Variants in ANK1 observed in about 807,000 individuals in gnomAD.
The protein encoded by ANK1 is ankyrin 1, also known as ankyrin-1.
ANK1 carries 51 observed loss-of-function variants against 210.4 expected under a neutral mutation model. The observed-to-expected ratio is 0.24, with a 90% CI of 0.19 to 0.31. The LOEUF is 0.31. ANK1 is among the 10% of genes least tolerant of loss of function. The probability of loss-of-function intolerance (pLI) is 1.00; values close to 1 mark genes in which losing one functional copy is unlikely to be tolerated. For missense variants in ANK1, 2,051 were observed against 2,504.4 expected (o/e 0.82, Z 3.86); for synonymous variants, 967 against 1,025.9 (o/e 0.94, Z 1.10).
intron 2 of ANK1, among the ~76,000 whole-genome samples, chr8:41,739,154 T>C (rs998835830): frequency 4.5e-4 from 69 of 152,224 alleles, no homozygotes; most frequent in African/African-American, 1.6e-3. Context: ...GTTTGTTTTT[T>C]CCCCCTCTTT....
rs144239281 is a variant in ANK1, at chr8:41,666,149, C to T, written c.5394+2118G>A. 5.9e-4 allele frequency among the ~76,000 whole-genome samples: 90 copies of T among 152,312 alleles called. 1 individual carries two copies. The East Asian group carries it at 0.016, about 27-fold the overall frequency. On this transcript the variant is annotated intron_variant, in intron 39 of 42. Coordinates refer to ENST00000289734, the MANE Select transcript of ANK1 (RefSeq NM_000037.4). Reference sequence around the variant, plus strand: ...CCTCAGTTTCCTCATCTGTGAAGCACGGATTAAAGTGCTCTCCCCACCCTT... The same window carrying T: ...CCTCAGTTTCCTCATCTGTGAAGCATGGATTAAAGTGCTCTCCCCACCCTT...
chr8:41,830,909 C>T (rs1000067415), intron 1 of ANK1, among the ~76,000 whole-genome samples: 32 of 152,188 alleles, frequency 2.1e-4, no homozygotes, highest in African/African-American at 7.0e-4. Flanking sequence ...TTCATCAACA[C>T]GGCTGTTTAC....
chr8:41,683,150 T>C (rs543976061), intron 37 of ANK1, among the ~76,000 whole-genome samples: 218 of 152,054 alleles, frequency 1.4e-3, no homozygotes, highest in Non-Finnish European at 2.8e-3. Context: ...GACATGGCCA[T>C]GAGATGCGTG....
chr8:41,727,521 A>G (rs1378310762), intron 4 of ANK1, among the ~76,000 whole-genome samples, 173 bp from the exon 5 acceptor site: 2 of 152,128 alleles, frequency 1.3e-5, no homozygotes, highest in Non-Finnish European at 2.9e-5. Flanking sequence ...GATTATTACA[A>G]AAGGCCACAG....
intron 34 of ANK1, 61 bp downstream of exon 34, chr8:41,688,450 G>A (rs1818299478): frequency 1.3e-6 from 2 of 1,578,714 alleles, no homozygotes; most frequent in South Asian, 2.2e-5. Flanking sequence ...GCGGGGAGAT[G>A]AGCTCACGCC....
intron 1 of ANK1, among the ~76,000 whole-genome samples, chr8:41,773,356 G>A (rs1250377783): frequency 6.6e-6 from 1 of 152,184 alleles, no homozygotes; most frequent in East Asian, 1.9e-4. Context: ...GAAAGGTGCT[G>A]TGTGGATTCC....
chr8:41,664,879 C>G, intron 39 of ANK1: 1 of 1,614,062 alleles, frequency 6.2e-7, no homozygotes, highest in East Asian at 2.2e-5. Flanking sequence ...TCGCTCTCCC[C>G]CAGCTCCTTG....
chr8:41,778,240 A>C (rs998443185), intron 1 of ANK1, among the ~76,000 whole-genome samples: 1 of 152,232 alleles, frequency 6.6e-6, no homozygotes, highest in African/African-American at 2.4e-5. Flanking sequence ...CTGTATGAAA[A>C]ATAGGACAAT....
chr8:41,871,588 C>T (rs1815512663), intron 1 of ANK1, among the ~76,000 whole-genome samples: 4 of 152,128 alleles, frequency 2.6e-5, no homozygotes, highest in Admixed American at 2.6e-4. Flanking sequence ...AAAAGATTGC[C>T]CACAGACCAC....
chr8:41,743,247 A>G (rs1835242248), intron 2 of ANK1, among the ~76,000 whole-genome samples: 2 of 152,162 alleles, frequency 1.3e-5, no homozygotes, highest in African/African-American at 4.8e-5. Context: ...GAAACTGATG[A>G]GAATGAAAGA....
intron 1 of ANK1, among the ~76,000 whole-genome samples, chr8:41,822,927 C>A (rs1804727830): frequency 6.6e-6 from 1 of 152,192 alleles, no homozygotes; most frequent in African/African-American, 2.4e-5. Flanking sequence ...TGGGGCGCTC[C>A]GTGTGTGCCT....
intron 1 of ANK1, among the ~76,000 whole-genome samples, chr8:41,817,475 G>C (rs1803524306): frequency 6.6e-6 from 1 of 152,136 alleles, no homozygotes; most frequent in Admixed American, 6.5e-5. Context: ...TGTAAGACGA[G>C]GACAGTTGTT....
At position 41,889,198 on chromosome 8, in the gene ANK1, A is replaced by C. The variant is rs149034385; in HGVS notation, c.126+7157T>G. Among the ~76,000 whole-genome samples the C allele has an allele frequency of 2.8e-4, 43 of 152,256 alleles. No homozygotes were observed. The East Asian group carries it at 7.9e-3, about 28-fold the overall frequency. ...CTCTCAGTGCCTAGCATAGCTTTGAATATCCTAAGGGCACAACCAATACCT... is the reference window on the plus strand; with the variant it reads ...CTCTCAGTGCCTAGCATAGCTTTGACTATCCTAAGGGCACAACCAATACCT... On this transcript the variant is annotated intron_variant, in intron 1 of 42. Transcript: ENST00000265709.
intron 1 of ANK1, among the ~76,000 whole-genome samples, chr8:41,858,414 C>T (rs1198106215): frequency 6.6e-6 from 1 of 151,822 alleles, no homozygotes; most frequent in African/African-American, 2.4e-5. Context: ...CCCAAATCAT[C>T]TACCCAAGCA....
intron 9 of ANK1, among the ~76,000 whole-genome samples, 193 bp downstream of exon 9, chr8:41,722,932 C>T (rs773939221): frequency 3.3e-5 from 5 of 152,114 alleles, no homozygotes; most frequent in African/African-American, 9.7e-5. Flanking sequence ...AAAAGTTTGC[C>T]GACCCTGATC....
chr8:41,886,789 T>C (rs1400491268), intron 1 of ANK1, among the ~76,000 whole-genome samples: 2 of 152,190 alleles, frequency 1.3e-5, no homozygotes, highest in East Asian at 3.8e-4. Context: ...GGAAGCCTGG[T>C]TAACCAGCCT....
intron 1 of ANK1, among the ~76,000 whole-genome samples, chr8:41,796,426 AC>A: frequency 6.6e-6 from 1 of 151,702 alleles, no homozygotes; most frequent in Middle Eastern, 3.4e-3. Context: ...CTCACCCTGA[AC>A]CTCTGCCCTA....
In ANK1 at chr8:41,852,215, T is replaced by A. The variant is rs572041555; in HGVS notation, c.126+44140A>T. Among the ~76,000 whole-genome samples, 61 of 152,120 alleles carry A rather than the reference T, an allele frequency of 4.0e-4. 2 individuals carry two copies. The South Asian group carries it at 0.012, about 31-fold the overall frequency. ...GTCACGGCGATGCCTTGGGAAGGCA[T>A]CTGGTGGGGAGAAAGGAGGGGTGAG... On this transcript the variant is annotated intron_variant, in intron 1 of 42. Transcript: ENST00000265709.
chr8:41,669,209 C>T (rs1163420324), intron 38 of ANK1, among the ~76,000 whole-genome samples: 1 of 151,996 alleles, frequency 6.6e-6, no homozygotes, highest in Non-Finnish European at 1.5e-5. Flanking sequence ...CCCATCTCTA[C>T]ACTCAGCGTG....
Sources: gnomAD v4.1 joint callset for allele counts (sites outside exome capture counted in the v4.1 genomes callset) on GRCh38, gnomAD v4.1.1 for gene constraint, MANE v1.5 for transcripts, NCBI Gene and HGNC (gene_info 2026-07-23, HGNC 2026-07-21) for gene names.